The following PAX2 variants were observed in gnomAD, a reference collection of about 807,000 sequenced individuals.
PAX2 encodes paired box protein Pax-2.
In PAX2, 9 loss-of-function variants were observed where a neutral mutation model predicts 41.7. The ratio of observed to expected loss-of-function variants is 0.22; its 90% CI spans 0.13 to 0.38. The LOEUF is 0.38. Ranked by LOEUF, PAX2 falls within the 10% of genes least tolerant of loss-of-function variation. PAX2 has a pLI of 1.00. For synonymous variants in PAX2, 221 were observed against 212.7 expected (o/e 1.04, Z -0.34); for missense variants, 418 against 531.6 (o/e 0.79, Z 2.10).
chr10:100,782,767 C>T (rs1319856223), intron 5 of PAX2, among the ~76,000 whole-genome samples: 1 of 152,272 alleles, frequency 6.6e-6, no homozygotes, highest in Admixed American at 6.5e-5. Context: ...GTTTTGGCGG[C>T]GGCCCCTGAT....
intron 3 of PAX2, among the ~76,000 whole-genome samples, chr10:100,772,341 A>G (rs2133880070): frequency 6.6e-6 from 1 of 151,654 alleles, no homozygotes; most frequent in African/African-American, 2.4e-5. Context: ...TTCAGTAGAG[A>G]TGGGTTTTCA....
Position 100,749,566 on chromosome 10 carries a change from T to C in PAX2, c.44-180T>C, listed in dbSNP as rs11190681. The C allele has an allele frequency of 0.027, 37,720 of 1,402,788 alleles. 5,210 individuals are homozygous for C. In the African/African-American group the frequency reaches 0.38, roughly 14 times the overall value. 86.9% of individuals were successfully genotyped at this position (1,402,788 alleles called of 1,614,324 possible). Reference sequence around the variant, plus strand: ...AGCCCCCAGTCTTCAGCCCAGCGTCTGTGCTTCCAGTCCCCACTCCTCCGC... The same window carrying C: ...AGCCCCCAGTCTTCAGCCCAGCGTCCGTGCTTCCAGTCCCCACTCCTCCGC... On this transcript the variant is annotated intron_variant, in intron 1 of 9. Coordinates refer to ENST00000355243, the MANE Select transcript of PAX2 (RefSeq NM_000278.5).
intron 1 of PAX2, among the ~76,000 whole-genome samples, chr10:100,740,473 G>A (rs1462433346): frequency 6.6e-6 from 1 of 152,232 alleles, no homozygotes; most frequent in East Asian, 1.9e-4. Flanking sequence ...GGAATCCCCA[G>A]TAACCTTTAT....
intron 3 of PAX2, among the ~76,000 whole-genome samples, chr10:100,763,977 G>T (rs1845923907): frequency 6.6e-6 from 1 of 152,056 alleles, no homozygotes; most frequent in African/African-American, 2.4e-5. Context: ...TTAAATGAGT[G>T]AGTCCACATA....
chr10:100,770,599 C>T (rs1349479420), intron 3 of PAX2, among the ~76,000 whole-genome samples: 1 of 152,246 alleles, frequency 6.6e-6, no homozygotes, highest in Non-Finnish European at 1.5e-5. Flanking sequence ...GCCCATCTAG[C>T]CTGGTAAATT....
chr10:100,782,541 G>C (rs954248520), intron 5 of PAX2, among the ~76,000 whole-genome samples: 1 of 152,250 alleles, frequency 6.6e-6, no homozygotes, highest in Non-Finnish European at 1.5e-5. Context: ...AGGGAAGAGA[G>C]TGGGAGAGGC....
intron 7 of PAX2, among the ~76,000 whole-genome samples, chr10:100,809,495 C>T (rs1035802700): frequency 1.3e-5 from 2 of 152,224 alleles, no homozygotes; most frequent in South Asian, 2.1e-4. Context: ...TCCTGTCCTT[C>T]GCCTCTCCCT....
intron 5 of PAX2, among the ~76,000 whole-genome samples, chr10:100,783,844 T>C (rs965895765): frequency 3.9e-5 from 6 of 152,098 alleles, no homozygotes; most frequent in African/African-American, 1.2e-4. Flanking sequence ...CTGAAACATT[T>C]ACCTGCTGGG....
At chr10:100,779,467 G>A in intron 3 of PAX2, 31 bp from the exon 4 acceptor site, 2 of 1,550,058 alleles carry the variant, frequency 1.3e-6, no homozygotes, top group Non-Finnish European at 1.8e-6. Flanking sequence ...GTGGGCATTT[G>A]ATGTGTGATG....
Position 100,806,499 on chromosome 10 carries a change from G to A in PAX2, c.686G>A (p.Arg229Gln), listed in dbSNP as rs753350907. The change falls in exon 6 of 10, where the codon CGA becomes CAA. Residue 229 changes from arginine (R) to glutamine (Q), a missense_variant. By Grantham distance (43) the Arg-to-Gln change is conservative. This residue lies in a region of PAX2 where 310 missense variants were observed against 325.2 expected (regional missense o/e 0.95). Transcript: ENST00000355243. ...GTGGACAGTTTGCGGAAGCACTTGC[G>A]AGCTGACACCTTCACCCAGCAGCAG... ...SGVDSLRKHL[R>Q]ADTFTQQQLE... 12 of 1,614,226 alleles carry A rather than the reference G, an allele frequency of 7.4e-6. No individual in the cohort carries two copies. Among genetic ancestry groups the A allele is most frequent in the African/African-American group, 1.3e-5 (1 of 75,060 alleles).
upstream of PAX2, among the ~76,000 whole-genome samples, chr10:100,745,406 A>T (rs960962440): frequency 1.4e-5 from 2 of 140,084 alleles, no homozygotes; most frequent in African/African-American, 5.2e-5. Flanking sequence ...CACCGGAGTG[A>T]CAGGCTCGGG....
chr10:100,792,170 A>G (rs78453701), intron 5 of PAX2, among the ~76,000 whole-genome samples: 1 of 152,240 alleles, frequency 6.6e-6, no homozygotes, highest in African/African-American at 2.4e-5. Context: ...TAAGTGGTTG[A>G]CAATGTTAAA....
intron 3 of PAX2, among the ~76,000 whole-genome samples, chr10:100,765,205 C>A (rs1449074277): frequency 1.3e-5 from 2 of 152,194 alleles, no homozygotes; most frequent in Non-Finnish European, 2.9e-5. Context: ...TGGACAACTG[C>A]AAATTCTATT....
In PAX2 at chr10:100,748,958, A is replaced by T. The variant is rs1845323667; in HGVS notation, c.44-788A>T. ...GCGCGGCAGGCAGGCGAGCCCAAGC[A>T]GCCGGCATTCTCTGCCTGCTGCCTG... is the stretch of plus-strand genomic sequence containing the variant. On this transcript the variant is annotated intron_variant, in intron 1 of 9. Transcript: ENST00000355243. The surrounding 1 kb of genome is among the most constrained non-coding windows in gnomAD (Gnocchi z 5.0). 9.1e-6 allele frequency: 9 copies of T among 985,330 alleles called. No homozygotes were observed. Among genetic ancestry groups the T allele is most frequent in the Non-Finnish European group, 9.6e-6 (8 of 829,900 alleles). The allele number at this position is 985,330 out of a possible 1,614,324, so 61.0% of individuals were successfully genotyped here. A position where few individuals can be genotyped will look rare whatever the true frequency, so the allele number is the denominator to read the frequency against.
At chr10:100,737,565 A>C (rs886177800) in intron 1 of PAX2, among the ~76,000 whole-genome samples, 1 of 152,228 alleles carries the variant, frequency 6.6e-6, no homozygotes, top group Non-Finnish European at 1.5e-5. Flanking sequence ...GGAGCTGGGC[A>C]GGAGACAGGG....
chr10:100,812,813 C>T (rs1186341831), intron 7 of PAX2, among the ~76,000 whole-genome samples: 1 of 152,150 alleles, frequency 6.6e-6, no homozygotes, highest in African/African-American at 2.4e-5. Flanking sequence ...TGTTTCTGAG[C>T]ATTAGAGAGT....
At chr10:100,813,449 C>T (rs1051783491) in intron 7 of PAX2, among the ~76,000 whole-genome samples, 4 of 152,156 alleles carry the variant, frequency 2.6e-5, no homozygotes, top group African/African-American at 7.2e-5. Context: ...TTGGAGAGGC[C>T]GCTGGCATCA....
Position 100,785,388 on chromosome 10 carries a change from C to G in PAX2, c.616+4023C>G, listed in dbSNP as rs187749327. Among the ~76,000 whole-genome samples the G allele has an allele frequency of 3.3e-5, 5 of 152,154 alleles. No homozygotes were observed. In the South Asian group the frequency reaches 1.0e-3, roughly 32 times the overall value. Reference sequence around the variant, plus strand: ...CTGTGTGAGGGAGGTGTGTTGGGATCATCCTTTGAGGTGTGAGATTGCAGG... The same window carrying G: ...CTGTGTGAGGGAGGTGTGTTGGGATGATCCTTTGAGGTGTGAGATTGCAGG... On this transcript the variant is annotated intron_variant, in intron 5 of 9. Coordinates refer to ENST00000355243, the MANE Select transcript of PAX2 (RefSeq NM_000278.5).
chr10:100,819,254 A>G (rs530624327), intron 7 of PAX2, among the ~76,000 whole-genome samples: 1 of 149,448 alleles, frequency 6.7e-6, no homozygotes, highest in East Asian at 2.0e-4. Flanking sequence ...TCTCAAAAAA[A>G]AAAAAGGGGG....
Sources: gnomAD v4.1 joint callset for allele counts (sites outside exome capture counted in the v4.1 genomes callset) on GRCh38, gnomAD v4.1.1 for gene constraint, gnomAD v4.1.1 regional missense constraint, Gnocchi (gnomAD v3.1) non-coding constraint, MANE v1.5 for transcripts, NCBI Gene and HGNC (gene_info 2026-07-23, HGNC 2026-07-21) for gene names.